CTTNBP2: variants seen among roughly 807,000 people sequenced by gnomAD.
The protein encoded by CTTNBP2 is cortactin binding protein 2.
CTTNBP2 carries 108 observed loss-of-function variants against 156.9 expected under a neutral mutation model. The ratio of observed to expected loss-of-function variants is 0.69; its 90% confidence interval spans 0.59 to 0.81. CTTNBP2 has a LOEUF of 0.81. CTTNBP2 is among the 30% of genes least tolerant of loss of function. The probability of loss-of-function intolerance (pLI) is 0.00; values close to 1 mark genes in which losing one functional copy is unlikely to be tolerated. For synonymous variants in CTTNBP2, 767 were observed against 751.8 expected, an observed-to-expected ratio of 1.02 and a Z score of -0.33; for missense variants, 1,924 against 2,035.4, an observed-to-expected ratio of 0.95 and a Z score of 1.05.
rs73215950 is a variant in CTTNBP2 at position 117,715,456 on chromosome 7, A to G, written c.4746+2562T>C. On this transcript the variant is annotated intron_variant, in intron 22 of 22. Transcript: ENST00000160373. ...CATTGTCCAGGCTTCCCCTCAGACTAGAGTCCAGGCCCTGAAGTTAAAAAA... is the reference window on the plus strand; with the variant it reads ...CATTGTCCAGGCTTCCCCTCAGACTGGAGTCCAGGCCCTGAAGTTAAAAAA... 9.5e-3 allele frequency among the ~76,000 whole-genome samples: 1,371 copies of G among 144,160 alleles called. 12 individuals carry two copies. The highest frequency in any genetic ancestry group is 0.015 in the Non-Finnish European group (1,014 of 67,324). The allele number at this position is 144,160 out of a possible 152,430, so 94.6% of individuals were successfully genotyped here.
At chr7:117,738,029 C>T (rs1584923731) in intron 14 of CTTNBP2, among the ~76,000 whole-genome samples, 1 of 152,294 alleles carries the variant, frequency 6.6e-6, no homozygotes, top group African/African-American at 2.4e-5. Flanking sequence ...TATAGCAAGT[C>T]GGGCCAGGGC....
At position 117,780,527 on chromosome 7, in the gene CTTNBP2, G is replaced by A. The variant is rs773800589; in HGVS notation, c.2437C>T (p.Pro813Ser). 2 of 1,594,578 alleles carry A rather than the reference G, an allele frequency of 1.3e-6. No homozygotes were observed. The highest frequency in any genetic ancestry group is 2.3e-5 in the East Asian group (1 of 43,932). The change falls in exon 7 of 23, where the codon CCT (proline) becomes TCT (serine). Residue 813 changes from proline to serine, a missense_variant. Pro to Ser is a moderately conservative substitution (Grantham distance 74, BLOSUM62 -1). Coordinates refer to ENST00000160373, the MANE Select transcript of CTTNBP2 (RefSeq NM_033427.3). ...INHAADGGQT[P>S]LYLACKNGNK... ...CCATTTTTACAGGCCAGGTATAGAG[G>A]TGTCTGTCCTCCATCAGCAGCATGA...
intron 7 of CTTNBP2, among the ~76,000 whole-genome samples, chr7:117,779,669 G>GA: frequency 6.6e-6 from 1 of 150,742 alleles, no homozygotes; most frequent in Non-Finnish European, 1.5e-5. Context: ...GTTTTTTTAA[G>GA]AAAAAAAGCT....
At chr7:117,816,665 A>T (rs915997778) in intron 2 of CTTNBP2, among the ~76,000 whole-genome samples, 64 of 152,280 alleles carry the variant, frequency 4.2e-4, no homozygotes, top group African/African-American at 1.5e-3. Flanking sequence ...CAACAAACAA[A>T]ATGTGTATTC....
At chr7:117,796,409 C>T (rs562775732) in intron 3 of CTTNBP2, among the ~76,000 whole-genome samples, 38 of 151,936 alleles carry the variant, frequency 2.5e-4, no homozygotes, top group Middle Eastern at 3.4e-3. Flanking sequence ...TACAAAATAA[C>T]ATACTCCCAT....
intron 1 of CTTNBP2, among the ~76,000 whole-genome samples, chr7:117,861,946 G>A (rs1803784191): frequency 6.6e-6 from 1 of 151,864 alleles, no homozygotes; most frequent in African/African-American, 2.4e-5. Flanking sequence ...AGATGACTGG[G>A]TAACTCCAGA....
At chr7:117,790,314 T>A (rs1798920450) in intron 4 of CTTNBP2, among the ~76,000 whole-genome samples, 1 of 152,250 alleles carries the variant, frequency 6.6e-6, no homozygotes, top group Non-Finnish European at 1.5e-5. Context: ...GAGCCACATT[T>A]GCTTAGTAAA....
At chr7:117,799,366 A>C (rs1001686230) in intron 3 of CTTNBP2, among the ~76,000 whole-genome samples, 4 of 151,976 alleles carry the variant, frequency 2.6e-5, no homozygotes, top group African/African-American at 9.7e-5. Flanking sequence ...TTTGAAAATC[A>C]ATCTGTGTAA....
chr7:117,806,719 G>C (rs1799964433), intron 3 of CTTNBP2, among the ~76,000 whole-genome samples: 1 of 148,714 alleles, frequency 6.7e-6, no homozygotes, highest in African/African-American at 2.5e-5. Flanking sequence ...ACAGAGGTTT[G>C]GCTCATTTCT....
intron 3 of CTTNBP2, among the ~76,000 whole-genome samples, chr7:117,804,066 G>C (rs1799783534): frequency 6.6e-6 from 1 of 152,106 alleles, no homozygotes; most frequent in Non-Finnish European, 1.5e-5. Context: ...GGGTTCGAGA[G>C]ATTCTTTTGC....
intron 9 of CTTNBP2, among the ~76,000 whole-genome samples, chr7:117,765,334 C>T (rs1389698669): frequency 6.6e-6 from 1 of 152,164 alleles, no homozygotes. Context: ...TTTTACTTCT[C>T]TCAGATTGTC....
chr7:117,865,228 C>T (rs1804087825), intron 1 of CTTNBP2, among the ~76,000 whole-genome samples: 1 of 151,526 alleles, frequency 6.6e-6, no homozygotes, highest in East Asian at 1.9e-4. Flanking sequence ...ACATGACCCC[C>T]AAATCCCCAA....
At chr7:117,843,678 T>G (rs774024926) in intron 2 of CTTNBP2, among the ~76,000 whole-genome samples, 2 of 152,168 alleles carry the variant, frequency 1.3e-5, no homozygotes, top group Non-Finnish European at 2.9e-5. Context: ...ACTGGAAGAC[T>G]GTGAGCTGAA....
At chr7:117,865,744 G>A (rs565642798) in intron 1 of CTTNBP2, among the ~76,000 whole-genome samples, 17 of 149,322 alleles carry the variant, frequency 1.1e-4, no homozygotes, top group Admixed American at 4.0e-4. Context: ...TCTTCTGCCT[G>A]TTACATTTGC....
rs1467856462 is a variant in CTTNBP2, at chr7:117,791,258, C to T, written c.1938G>A (p.Leu646=). The T allele has an allele frequency of 6.2e-7, 1 of 1,614,172 alleles. No homozygotes were observed. Among genetic ancestry groups the T allele is most frequent in the Admixed American group, 1.7e-5 (1 of 60,022 alleles). Residue 646 remains leucine, a synonymous_variant, in exon 4 of 23, where the codon CTG becomes CTA. Transcript: ENST00000160373. ...VGAWPAATPG[L]NQPACSDSSL... is the part of the protein sequence containing the mutation. ...AACTGTCTGAACATGCAGGTTGGTT[C>T]AGTCCGGGGGTTGCAGCAGGCCAGG...
intron 1 of CTTNBP2, among the ~76,000 whole-genome samples, chr7:117,864,829 CATAT>C (rs1217515530): frequency 7.5e-6 from 1 of 133,564 alleles, no homozygotes; most frequent in African/African-American, 2.8e-5. Context: ...AATATATATT[CATAT>C]ATATTCATTC....
chr7:117,780,266 A>G (rs1336490112), intron 7 of CTTNBP2, among the ~76,000 whole-genome samples, 175 bp downstream of exon 7: 1 of 152,238 alleles, frequency 6.6e-6, no homozygotes, highest in African/African-American at 2.4e-5. Context: ...CTAATGAACA[A>G]GACATTTAAT....
chr7:117,776,602 A>G (rs1798116164), intron 8 of CTTNBP2, among the ~76,000 whole-genome samples: 1 of 152,152 alleles, frequency 6.6e-6, no homozygotes, highest in Non-Finnish European at 1.5e-5. Flanking sequence ...CTCCTTTCTC[A>G]GTGGTAATGG....
intron 3 of CTTNBP2, among the ~76,000 whole-genome samples, chr7:117,806,932 T>C (rs377728288): frequency 1.1e-3 from 167 of 152,064 alleles, no homozygotes; most frequent in African/African-American, 3.7e-3. Flanking sequence ...CTAAGTTTTG[T>C]ATTTTTAGTA....
Sources: allele counts gnomAD v4.1 joint callset (sites outside exome capture counted in the v4.1 genomes callset), GRCh38; gene constraint gnomAD v4.1.1; transcripts MANE v1.5; gene names NCBI Gene and HGNC (gene_info 2026-07-23, HGNC 2026-07-21).